The following ALDH5A1 variants were observed in gnomAD, a reference collection of about 807,000 sequenced individuals.
ALDH5A1 encodes aldehyde dehydrogenase 5 family member A1.
A neutral mutation model predicts 54.7 loss-of-function variants in ALDH5A1; 33 were observed. The ratio of observed to expected loss-of-function variants is 0.60; its 90% CI spans 0.46 to 0.81. The LOEUF (loss-of-function observed/expected upper bound fraction) is 0.81, where lower values mean the gene tolerates loss of function less well. ALDH5A1 is among the 30% of genes least tolerant of loss of function. The pLI, the probability that ALDH5A1 is intolerant of heterozygous loss-of-function variation, is 0.00. For synonymous variants in ALDH5A1, 294 were observed against 292.7 expected, an observed-to-expected ratio of 1.00 and a Z score of -0.05; for missense variants, 657 against 711.0, an observed-to-expected ratio of 0.92 and a Z score of 0.86.
intron 2 of ALDH5A1, 124 bp downstream of exon 2, chr6:24,502,730 T>C: frequency 1.3e-6 from 1 of 744,058 alleles, no homozygotes; most frequent in Non-Finnish European, 2.4e-6. Context: ...ATTCCTTCTC[T>C]ACTGATCAAA....
chr6:24,511,732 C>CT (rs76040572), intron 4 of ALDH5A1: 36,683 of 343,794 alleles, frequency 0.11, 362 homozygotes, highest in Middle Eastern at 0.12. Context: ...TTTCTTGTAT[C>CT]TTTTTTTTTT....
At position 24,522,891 on chromosome 6, in the gene ALDH5A1, A is replaced by G; in HGVS notation, c.1139A>G (p.Gln380Arg). ...AATGGATTTGAGGAAGGAACTACTCAGGGCCCATTAATTAATGAAAAAGCG... is the reference window on the plus strand; with the variant it reads ...AATGGATTTGAGGAAGGAACTACTCGGGGCCCATTAATTAATGAAAAAGCG... ...VGNGFEEGTT[Q>R]GPLINEKAVE... Residue 380 changes from glutamine (Q) to arginine (R), a missense_variant, in exon 7 of 10, where the codon CAG becomes CGG. Coordinates refer to ENST00000357578, the MANE Select transcript of ALDH5A1 (RefSeq NM_001080.3). 1 of 1,611,682 alleles carries G rather than the reference A, an allele frequency of 6.2e-7. No homozygotes were observed. The highest frequency in any genetic ancestry group is 8.5e-7 in the Non-Finnish European group (1 of 1,178,456).
chr6:24,533,253 G>C (rs1300721942), intron 9 of ALDH5A1, among the ~76,000 whole-genome samples: 2 of 152,190 alleles, frequency 1.3e-5, no homozygotes, highest in South Asian at 2.1e-4. Flanking sequence ...CAGGTGTGCA[G>C]GTGGATTGAA....
At position 24,518,060 on chromosome 6, in the gene ALDH5A1, T is replaced by C. The variant is rs913020254; in HGVS notation, c.871-2341T>C. 2.0e-5 allele frequency among the ~76,000 whole-genome samples: 3 copies of C among 152,220 alleles called. No homozygotes were observed. The highest frequency in any genetic ancestry group is 4.4e-5 in the Non-Finnish European group (3 of 68,032). ...AGAAATTGTGGGCTGGCCAGTGACC[T>C]AGGACAAGTAGCCTGGCATAGAAGG... On this transcript the variant is annotated intron_variant, in intron 5 of 9. Coordinates refer to ENST00000357578, the MANE Select transcript of ALDH5A1 (RefSeq NM_001080.3). This position sits in a 1 kb window ranked among gnomAD's most constrained non-coding sequence, Gnocchi z 4.2.
chr6:24,522,478 C>CGTGTGTGTGTGTGTGTGTGTGT (rs5874989), intron 6 of ALDH5A1, among the ~76,000 whole-genome samples: 4,905 of 134,436 alleles, frequency 0.036, 275 homozygotes, highest in Non-Finnish European at 0.057. Flanking sequence ...TCTTTTCTTT[C>CGTGTGTGTGTGTGTGTGTGTGT]GTGTGTGTGT....
chr6:24,533,799 G>A lies in ALDH5A1; in HGVS notation c.*87G>A. 2.3e-6 allele frequency: 3 copies of A among 1,287,576 alleles called. No homozygotes were observed. The highest frequency in any genetic ancestry group is 4.9e-5 in the East Asian group (2 of 40,532). 79.8% of individuals were successfully genotyped at this position (1,287,576 alleles called of 1,614,324 possible). On this transcript the variant is annotated 3_prime_UTR_variant, in exon 10 of 10. Transcript: ENST00000357578. The stretch of plus-strand genomic sequence containing the variant: ...ATCCATTATTTTAAATAAACTAATA[G>A]GTTTTCAGAATTATGAATTTTTCAG...
chr6:24,523,159 AAC>A (rs1759735732), intron 7 of ALDH5A1, among the ~76,000 whole-genome samples: 1 of 152,062 alleles, frequency 6.6e-6, no homozygotes, highest in Non-Finnish European at 1.5e-5. Flanking sequence ...GTAGATTTTG[AAC>A]GTTCCCAGTA....
chr6:24,532,208 A>G (rs766815765), intron 9 of ALDH5A1, 31 bp downstream of exon 9: 108 of 1,609,128 alleles, frequency 6.7e-5, no homozygotes, highest in Non-Finnish European at 9.1e-5. Context: ...AATACCAGTC[A>G]TAATCATTTT....
chr6:24,503,467 G>A, intron 3 of ALDH5A1, 34 bp downstream of exon 3: 1 of 1,605,954 alleles, frequency 6.2e-7, no homozygotes, highest in South Asian at 1.1e-5. Context: ...CCTAGGGTGG[G>A]AGATTGGATA....
chr6:24,511,732 CTTT>C (rs76040572), intron 4 of ALDH5A1: 303 of 348,828 alleles, frequency 8.7e-4, no homozygotes, highest in East Asian at 1.1e-3. Context: ...TTTCTTGTAT[CTTT>C]TTTTTTTTTT....
intron 6 of ALDH5A1, among the ~76,000 whole-genome samples, chr6:24,522,174 G>A (rs1303542108): frequency 6.6e-6 from 1 of 152,156 alleles, no homozygotes; most frequent in East Asian, 1.9e-4. Context: ...GCTGGGCATG[G>A]TGGCAAGTGC....
intron 7 of ALDH5A1, among the ~76,000 whole-genome samples, chr6:24,526,974 GTATATATATATATATA>G (rs58873176): frequency 3.3e-5 from 1 of 30,598 alleles, no homozygotes; most frequent in South Asian, 7.6e-4. Context: ...ATGTGTGTGT[GTATATATATATATATA>G]TATATATATA....
At chr6:24,526,113 AC>A (rs1382792463) in intron 7 of ALDH5A1, among the ~76,000 whole-genome samples, 2 of 152,112 alleles carry the variant, frequency 1.3e-5, no homozygotes, top group East Asian at 3.9e-4. Flanking sequence ...AACAGCAAAG[AC>A]CACTCATGCC....
intron 1 of ALDH5A1, among the ~76,000 whole-genome samples, chr6:24,497,032 G>A (rs1764724234): frequency 6.6e-6 from 1 of 152,162 alleles, no homozygotes; most frequent in Non-Finnish European, 1.5e-5. Context: ...TGGCCTCGCT[G>A]ACTTCAAAAA....
chr6:24,536,008 T>C lies in ALDH5A1; in HGVS notation c.*2296T>C, dbSNP rs1225790159. 1 of 152,218 alleles carries C rather than the reference T, an allele frequency of 6.6e-6. No individual in the cohort carries two copies. Among genetic ancestry groups the C allele is most frequent in the Non-Finnish European group, 1.5e-5 (1 of 68,010 alleles). 9.4% of individuals were successfully genotyped at this position (152,218 alleles called of 1,614,324 possible). ...AAATTGAGGCCAGAGACTCATTGTATATCCTTGATCAATTTTCTAATTAAA... is the reference window on the plus strand; with the variant it reads ...AAATTGAGGCCAGAGACTCATTGTACATCCTTGATCAATTTTCTAATTAAA... On this transcript the variant is annotated 3_prime_UTR_variant, in exon 10 of 10. Transcript: ENST00000357578.
Position 24,495,303 on chromosome 6 carries a change from C to G in ALDH5A1, c.307C>G (p.Arg103Gly). 6.5e-7 allele frequency: 1 copy of G among 1,533,228 alleles called. No homozygotes were observed. Among genetic ancestry groups the G allele is most frequent in the East Asian group, 2.4e-5 (1 of 40,862 alleles). The allele number at this position is 1,533,228 out of a possible 1,614,324, so 95.0% of individuals were successfully genotyped here. ...CGVREARAAV[R>G]AAYEAFCRWR... ...GGTGCGAGAGGCCCGCGCCGCCGTG[C>G]GCGCTGCCTACGAGGCTTTCTGCCG... is the stretch of plus-strand genomic sequence containing the variant. Residue 103 changes from arginine (R) to glycine (G), a missense_variant, in exon 1 of 10, where the codon CGC (arginine) becomes GGC (glycine). By Grantham distance (125) the Arg-to-Gly change is moderately radical (BLOSUM62 -2). This residue lies in a region of ALDH5A1 where 232 missense variants were observed against 194.6 expected (regional missense o/e 1.19). Coordinates refer to ENST00000357578, the MANE Select transcript of ALDH5A1 (RefSeq NM_001080.3).
rs190555958 is a variant in ALDH5A1, at chr6:24,518,004, A to T, written c.871-2397A>T. Among the ~76,000 whole-genome samples the T allele has an allele frequency of 8.6e-4, 131 of 152,344 alleles. No homozygotes were observed. Among genetic ancestry groups the T allele is most frequent in the Middle Eastern group, 3.4e-3 (1 of 294 alleles). On this transcript the variant is annotated intron_variant, in intron 5 of 9. Transcript: ENST00000357578. The surrounding 1 kb of genome is among the most constrained non-coding windows in gnomAD (Gnocchi z 4.2). ...ATCTCTTCCTCTGTTCAGAAAACTG[A>T]ATCATGAGTGGTCATTGACTTGAGC... is the stretch of plus-strand genomic sequence containing the variant.
intron 7 of ALDH5A1, 108 bp from the exon 8 acceptor site, chr6:24,527,889 C>CT: frequency 4.5e-6 from 6 of 1,325,672 alleles, no homozygotes; most frequent in Non-Finnish European, 6.4e-6. Context: ...TGTTAACCTA[C>CT]TTTTTTTGAA....
intron 1 of ALDH5A1, among the ~76,000 whole-genome samples, chr6:24,501,380 A>G (rs1764814839): frequency 6.6e-6 from 1 of 152,170 alleles, no homozygotes; most frequent in Non-Finnish European, 1.5e-5. Context: ...GATGGAAGGA[A>G]CTCTCCACAG....
Sources: allele counts gnomAD v4.1 joint callset (sites outside exome capture counted in the v4.1 genomes callset), GRCh38; gene constraint gnomAD v4.1.1; regional missense constraint gnomAD v4.1.1; non-coding constraint Gnocchi (gnomAD v3.1); transcripts MANE v1.5; gene names NCBI Gene and HGNC (gene_info 2026-07-23, HGNC 2026-07-21).